TMA16: variants seen among roughly 807,000 people sequenced by gnomAD.
TMA16 encodes translation machinery-associated protein 16.
In TMA16, 26 loss-of-function variants were observed where a neutral mutation model predicts 27.1. That is an observed-to-expected ratio of 0.96 (90% CI 0.70 to 1.33). The LOEUF is 1.33. Among genes scored for constraint, TMA16 ranks in the 40% most tolerant of loss-of-function variants. TMA16 has a pLI of 0.00. For synonymous variants in TMA16, 71 were observed against 81.9 expected (o/e 0.87, Z 0.72); for missense variants, 233 against 241.4 (o/e 0.97, Z 0.23).
Position 163,500,567 on chromosome 4 carries a change from A to G in TMA16, c.3+5763A>G, listed in dbSNP as rs1279041086. ...AAGCTGTATGTCTGTTGGGGTGGTC[A>G]TGGTGGTTGGTGGATTGACTCAAAC... is the stretch of plus-strand genomic sequence containing the variant. On this transcript the variant is annotated intron_variant, in intron 1 of 6. Transcript: ENST00000358572. Among the ~76,000 whole-genome samples the G allele has an allele frequency of 2.0e-5, 3 of 152,134 alleles. No homozygotes were observed. The South Asian group carries it at 6.2e-4, about 31-fold the overall frequency.
At chr4:163,510,978 A>G (rs1291184524) in intron 2 of TMA16, among the ~76,000 whole-genome samples, 1 of 152,192 alleles carries the variant, frequency 6.6e-6, no homozygotes, top group Non-Finnish European at 1.5e-5. Flanking sequence ...TTTACTTCCT[A>G]GAACTATAAT....
At chr4:163,498,341 G>A (rs1737592948) in intron 1 of TMA16, among the ~76,000 whole-genome samples, 1 of 141,436 alleles carries the variant, frequency 7.1e-6, no homozygotes, top group Non-Finnish European at 1.5e-5. Context: ...ATGCTGTAGT[G>A]CAGTGGCGTG....
intron 1 of TMA16, among the ~76,000 whole-genome samples, chr4:163,498,934 T>G (rs1737605239): frequency 6.6e-6 from 1 of 152,174 alleles, no homozygotes; most frequent in Non-Finnish European, 1.5e-5. Flanking sequence ...GTTGAGATAG[T>G]GGGCAGAAGC....
chr4:163,497,316 C>G (rs1016968031), intron 1 of TMA16, among the ~76,000 whole-genome samples: 7 of 152,162 alleles, frequency 4.6e-5, no homozygotes, highest in Admixed American at 6.5e-5. Flanking sequence ...ACCTAGTATA[C>G]CAATCTTTTT....
chr4:163,497,454 T>C (rs1465853216), intron 1 of TMA16, among the ~76,000 whole-genome samples: 2 of 152,212 alleles, frequency 1.3e-5, no homozygotes, highest in African/African-American at 4.8e-5. Context: ...CACATTCATT[T>C]CCTGAAACCT....
At chr4:163,509,948 T>G (rs956281241) in intron 2 of TMA16, among the ~76,000 whole-genome samples, 2 of 152,230 alleles carry the variant, frequency 1.3e-5, no homozygotes, top group Admixed American at 6.5e-5. Context: ...CCTTTGAGAA[T>G]TAATCTTATT....
At chr4:163,497,996 T>A (rs2110786743) in intron 1 of TMA16, among the ~76,000 whole-genome samples, 1 of 152,328 alleles carries the variant, frequency 6.6e-6, no homozygotes, top group East Asian at 1.9e-4. Context: ...CTAACCTTTC[T>A]TTTTACATAA....
At chr4:163,513,378 A>T (rs1737824194) in intron 3 of TMA16, among the ~76,000 whole-genome samples, 1 of 152,264 alleles carries the variant, frequency 6.6e-6, no homozygotes, top group South Asian at 2.1e-4. Flanking sequence ...ATGCTTCATC[A>T]GGTAATAGAA....
At chr4:163,506,504 T>C (rs548963459) in intron 1 of TMA16, among the ~76,000 whole-genome samples, 252 of 152,286 alleles carry the variant, frequency 1.7e-3, no homozygotes, top group Non-Finnish European at 2.6e-3. Flanking sequence ...AAATGATACA[T>C]TTTTCCTTTT....
At position 163,519,709 on chromosome 4, in the gene TMA16, C is replaced by T. The variant is rs1737940790; in HGVS notation, c.*195C>T. On this transcript the variant is annotated 3_prime_UTR_variant, in exon 7 of 7. Transcript: ENST00000358572. ...ATTGCTTTTCATTTCCATTAAGTTG[C>T]TAAAATAGATAGATGTGATCTGCAG... 1 of 587,862 alleles carries T rather than the reference C, an allele frequency of 1.7e-6. No homozygotes were observed. Among genetic ancestry groups the T allele is most frequent in the South Asian group, 2.5e-5 (1 of 40,402 alleles). The allele number at this position is 587,862 out of a possible 1,614,324, so 36.4% of individuals were successfully genotyped here. A position where few individuals can be genotyped will look rare whatever the true frequency, so the allele number is the denominator to read the frequency against.
chr4:163,506,463 G>A (rs1737719646), intron 1 of TMA16, among the ~76,000 whole-genome samples: 1 of 152,180 alleles, frequency 6.6e-6, no homozygotes, highest in East Asian at 1.9e-4. Flanking sequence ...TGAATTGTGG[G>A]CTGATTAACT....
chr4:163,515,155 C>T (rs1737855437), intron 4 of TMA16, among the ~76,000 whole-genome samples, 158 bp from the exon 5 acceptor site: 2 of 151,960 alleles, frequency 1.3e-5, no homozygotes, highest in Non-Finnish European at 2.9e-5. Flanking sequence ...GTCGAGTTAT[C>T]CAGGGAATGG....
chr4:163,494,933 G>A, intron 1 of TMA16, 129 bp downstream of exon 1: 2 of 1,366,306 alleles, frequency 1.5e-6, no homozygotes, highest in South Asian at 2.5e-5. Context: ...TTATTTTCAG[G>A]GAGTGTGCGG....
intron 5 of TMA16, chr4:163,517,211 TG>T (rs1010401964): frequency 3.8e-6 from 2 of 527,626 alleles, no homozygotes; most frequent in Non-Finnish European, 6.7e-6. Context: ...CTAATAGCTT[TG>T]TTTTATTTCA....
chr4:163,500,998 A>G (rs866099831), intron 1 of TMA16, among the ~76,000 whole-genome samples: 31 of 152,236 alleles, frequency 2.0e-4, no homozygotes, highest in African/African-American at 7.5e-4. Context: ...CTTTTGTTTC[A>G]AAGTTTTATT....
At chr4:163,507,739 A>G (rs1319810219) in intron 2 of TMA16, among the ~76,000 whole-genome samples, 1 of 152,084 alleles carries the variant, frequency 6.6e-6, no homozygotes, top group Admixed American at 6.6e-5. Context: ...AGAGGTTAGG[A>G]AAAGAAGGAG....
Position 163,517,792 on chromosome 4 carries a change from C to T in TMA16, c.431+316C>T, listed in dbSNP as rs115749196. 8.0e-4 allele frequency among the ~76,000 whole-genome samples: 122 copies of T among 152,186 alleles called. 1 individual carries two copies. Among genetic ancestry groups the T allele is most frequent in the African/African-American group, 2.8e-3 (117 of 41,510 alleles). On this transcript the variant is annotated intron_variant, in intron 6 of 6. Transcript: ENST00000358572. ...TTAAAAAAGAAGTAACAGCAACAGA[C>T]GTGATGGCTCAGAGTCATATCCCCA...
At chr4:163,496,990 A>G (rs544200635) in intron 1 of TMA16, among the ~76,000 whole-genome samples, 2 of 152,320 alleles carry the variant, frequency 1.3e-5, no homozygotes, top group South Asian at 4.1e-4. Context: ...ATACAATACT[A>G]CTAGGCACCC....
At chr4:163,515,531 G>A in intron 5 of TMA16, 70 bp downstream of exon 5, 2 of 1,416,150 alleles carry the variant, frequency 1.4e-6, no homozygotes, top group Non-Finnish European at 1.9e-6. Context: ...GATTTCAAAG[G>A]TTTTATTTTA....
Sources: gnomAD v4.1 joint callset for allele counts (sites outside exome capture counted in the v4.1 genomes callset) on GRCh38, gnomAD v4.1.1 for gene constraint, MANE v1.5 for transcripts, NCBI Gene and HGNC (gene_info 2026-07-23, HGNC 2026-07-21) for gene names.